DIP2C: variants seen among roughly 807,000 people sequenced by gnomAD.
DIP2C encodes the protein DIP2 acetate--CoA ligase C (putative).
A neutral mutation model predicts 192.4 loss-of-function variants in DIP2C; 33 were observed. The ratio of observed to expected loss-of-function variants is 0.17; its 90% CI spans 0.13 to 0.23. The LOEUF (loss-of-function observed/expected upper bound fraction) is 0.23, where lower values mean the gene tolerates loss of function less well. DIP2C is among the 10% of genes least tolerant of loss of function. The probability of loss-of-function intolerance (pLI) is 1.00; values close to 1 mark genes in which losing one functional copy is unlikely to be tolerated. For missense variants in DIP2C, 1,537 were observed against 2,110.1 expected, an observed-to-expected ratio of 0.73 and a Z score of 5.32; for synonymous variants, 979 against 864.1, an observed-to-expected ratio of 1.13 and a Z score of -2.33.
intron 1 of DIP2C, among the ~76,000 whole-genome samples, chr10:501,804 T>C (rs1199499051): frequency 6.6e-6 from 1 of 152,106 alleles, no homozygotes; most frequent in Non-Finnish European, 1.5e-5. Context: ...TGCCAGGTAT[T>C]TGGCAATATC....
rs1957399519 is a variant in DIP2C, at chr10:329,333, T to C, written c.3753+100A>G. ...CGTTAGATTAAACCCAGGCTTTGTTTTGGAGGACTGTTTTAACTTCACCCC... is the reference window on the plus strand; with the variant it reads ...CGTTAGATTAAACCCAGGCTTTGTTCTGGAGGACTGTTTTAACTTCACCCC... On this transcript the variant is annotated intron_variant, in intron 30 of 36. Coordinates refer to ENST00000280886, the MANE Select transcript of DIP2C (RefSeq NM_014974.3). 5.4e-6 allele frequency: 7 copies of C among 1,290,170 alleles called. No homozygotes were observed. The Admixed American group carries it at 1.6e-4, about 29-fold the overall frequency. 79.9% of individuals were successfully genotyped at this position (1,290,170 alleles called of 1,614,324 possible).
intron 10 of DIP2C, among the ~76,000 whole-genome samples, chr10:397,641 C>T (rs1416773737): frequency 6.6e-6 from 1 of 152,212 alleles, no homozygotes; most frequent in African/African-American, 2.4e-5. Context: ...TGGCTTCCTC[C>T]TACACGACTG....
At chr10:522,557 C>G (rs1403476389) in intron 1 of DIP2C, among the ~76,000 whole-genome samples, 1 of 152,258 alleles carries the variant, frequency 6.6e-6, no homozygotes, top group Non-Finnish European at 1.5e-5. Flanking sequence ...CCCACCAGCA[C>G]GCGGCGGTGT....
intron 1 of DIP2C, among the ~76,000 whole-genome samples, chr10:531,543 G>A (rs375180718): frequency 3.9e-5 from 6 of 152,098 alleles, no homozygotes; most frequent in African/African-American, 1.4e-4. Flanking sequence ...AACACCAAAG[G>A]TTCAGGGCCC....
At chr10:283,638 G>A (rs892326419) in intron 34 of DIP2C, among the ~76,000 whole-genome samples, 192 bp from the exon 35 acceptor site, 3 of 152,202 alleles carry the variant, frequency 2.0e-5, no homozygotes, top group Non-Finnish European at 4.4e-5. Context: ...AATAAAGGCA[G>A]TCTACCAAGT....
intron 1 of DIP2C, among the ~76,000 whole-genome samples, chr10:578,777 G>C (rs951570856): frequency 7.3e-5 from 11 of 151,256 alleles, no homozygotes; most frequent in East Asian, 1.9e-4. Flanking sequence ...ACTACATATA[G>C]TGTACAAGCA....
chr10:619,545 T>TCCCTCCCTCCCA (rs1554757207), intron 1 of DIP2C, among the ~76,000 whole-genome samples: 1 of 15,810 alleles, frequency 6.3e-5, no homozygotes, highest in African/African-American at 2.4e-4. Context: ...CCGCCCGCCC[T>TCCCTCCCTCCCA]CCCACCCAGC....
At chr10:293,541 G>C (rs536758759) in intron 32 of DIP2C, among the ~76,000 whole-genome samples, 1 of 152,230 alleles carries the variant, frequency 6.6e-6, no homozygotes, top group South Asian at 2.1e-4. Context: ...AAGATAGAGG[G>C]GAAATTAAAT....
chr10:342,154 ACTCT>A (rs373102397), intron 28 of DIP2C, among the ~76,000 whole-genome samples: 1 of 147,884 alleles, frequency 6.8e-6, no homozygotes, highest in African/African-American at 2.5e-5. Flanking sequence ...CGTGTAACCC[ACTCT>A]CTCTCTTTTT....
At chr10:417,380 C>T (rs920543998) in intron 6 of DIP2C, among the ~76,000 whole-genome samples, 39 of 152,164 alleles carry the variant, frequency 2.6e-4, no homozygotes, top group Non-Finnish European at 1.6e-4. Context: ...ACTTGAAAGA[C>T]GACAAAGTTA....
chr10:326,936 G>A, intron 31 of DIP2C, 70 bp downstream of exon 31: 1 of 1,517,842 alleles, frequency 6.6e-7, no homozygotes, highest in South Asian at 1.3e-5. Context: ...GACGAGTGGA[G>A]CCAGTCTGTG....
chr10:465,943 C>G (rs186207485), intron 3 of DIP2C, among the ~76,000 whole-genome samples: 123 of 152,074 alleles, frequency 8.1e-4, no homozygotes, highest in African/African-American at 2.6e-3. Flanking sequence ...GAATCAATAT[C>G]GTGAAAATGG....
Position 584,160 on chromosome 10 carries a change from TAAA to T in DIP2C, c.86-97633_86-97631del, listed in dbSNP as rs902516600. ...CCTGCTAACTGCACCCCCACATAAC[TAAA>T]AACAAAACATCAACTATGCAGACAG... On this transcript the variant is annotated intron_variant, in intron 1 of 36. Transcript: ENST00000280886. 1.8e-4 allele frequency among the ~76,000 whole-genome samples: 28 copies of T among 151,972 alleles called. 1 individual carries two copies. The highest frequency in any genetic ancestry group is 6.5e-4 in the African/African-American group (27 of 41,360).
At chr10:428,204 CAT>C (rs539340327) in intron 4 of DIP2C, among the ~76,000 whole-genome samples, 215 of 152,198 alleles carry the variant, frequency 1.4e-3, no homozygotes, top group African/African-American at 3.4e-3. Context: ...ACCATAAAAT[CAT>C]AAAGTGTTCT....
At chr10:387,346 A>G (rs2132924426) in intron 14 of DIP2C, among the ~76,000 whole-genome samples, 1 of 152,220 alleles carries the variant, frequency 6.6e-6, no homozygotes, top group East Asian at 1.9e-4. Context: ...TCTAACAGTG[A>G]CGATTTTCTG....
At chr10:423,375 TC>T (rs1966341719) in intron 4 of DIP2C, among the ~76,000 whole-genome samples, 1 of 152,228 alleles carries the variant, frequency 6.6e-6, no homozygotes, top group Non-Finnish European at 1.5e-5. Context: ...GGGCCGCGTT[TC>T]CTAGGGGATG....
intron 3 of DIP2C, among the ~76,000 whole-genome samples, chr10:459,627 G>C (rs1444608890): frequency 1.3e-5 from 2 of 148,908 alleles, no homozygotes; most frequent in African/African-American, 5.0e-5. Context: ...TCAGGGAACA[G>C]TGTCCTTCAT....
intron 1 of DIP2C, among the ~76,000 whole-genome samples, chr10:675,491 T>C (rs1186408822): frequency 6.6e-6 from 1 of 152,004 alleles, no homozygotes; most frequent in East Asian, 1.9e-4. Flanking sequence ...GAAAAAATGT[T>C]GGTTTTTTGA....
At chr10:613,338 G>A in intron 1 of DIP2C, among the ~76,000 whole-genome samples, 1 of 152,162 alleles carries the variant, frequency 6.6e-6, no homozygotes, top group Non-Finnish European at 1.5e-5. Context: ...ACAGTGCAGT[G>A]CGATTTTCTA....
Sources: allele counts gnomAD v4.1 joint callset (sites outside exome capture counted in the v4.1 genomes callset), GRCh38; gene constraint gnomAD v4.1.1; transcripts MANE v1.5; gene names NCBI Gene and HGNC (gene_info 2026-07-23, HGNC 2026-07-21).